PRELID2: variants seen among roughly 807,000 people sequenced by gnomAD.
The protein encoded by PRELID2 is PRELI domain-containing protein 2.
Under a neutral mutation model 28.4 loss-of-function variants are expected in PRELID2, and 25 were observed. The ratio of observed to expected loss-of-function variants is 0.88; its 90% CI spans 0.64 to 1.23. The LOEUF (loss-of-function observed/expected upper bound fraction) is 1.23, where lower values mean the gene tolerates loss of function less well. Ranked by LOEUF, PRELID2 falls within the 50% of genes most tolerant of loss-of-function variation. The pLI, the probability that PRELID2 is intolerant of heterozygous loss-of-function variation, is 0.00. For missense variants in PRELID2, 201 were observed against 214.4 expected, an observed-to-expected ratio of 0.94 and a Z score of 0.39; for synonymous variants, 76 against 71.6, an observed-to-expected ratio of 1.06 and a Z score of -0.31.
At chr5:145,356,871 G>A in the PRELID2 span, among the ~76,000 whole-genome samples, 2 of 152,128 alleles carry the variant, frequency 1.3e-5, no homozygotes, top group East Asian at 1.9e-4. Flanking sequence ...TGTGGTGGCT[G>A]GTAATGGTCT....
intron 1 of PRELID2, among the ~76,000 whole-genome samples, chr5:145,655,419 C>CA (rs1561533819): frequency 6.6e-6 from 1 of 152,084 alleles, no homozygotes; most frequent in South Asian, 2.1e-4. Flanking sequence ...CATGTGGAAC[C>CA]AAAAAAGAGC....
chr5:145,701,581 G>A (rs1755408061), intron 1 of PRELID2, among the ~76,000 whole-genome samples: 1 of 152,138 alleles, frequency 6.6e-6, no homozygotes, highest in Admixed American at 6.5e-5. Context: ...GTAATTCCCT[G>A]TGTCAAACCA....
At chr5:145,311,648 A>G in the PRELID2 span, among the ~76,000 whole-genome samples, 1 of 152,150 alleles carries the variant, frequency 6.6e-6, no homozygotes, top group Admixed American at 6.5e-5. Flanking sequence ...AATAACACCA[A>G]TTCCATGCAA....
At chr5:145,730,558 G>C (rs1473342402) in intron 1 of PRELID2, among the ~76,000 whole-genome samples, 1 of 152,184 alleles carries the variant, frequency 6.6e-6, no homozygotes, top group African/African-American at 2.4e-5. Context: ...ACAAAAGCAA[G>C]TTTGTTACCT....
rs200419262 is a variant in PRELID2 at position 145,697,986 on chromosome 5, C to CA, written n.70+66944dup. On this transcript the variant is annotated intron_variant and non_coding_transcript_variant, in intron 1 of 2. Coordinates refer to the PRELID2 transcript ENST00000510259. ...GAACTGTGATTGTCCTAATGTCCCTCAAAAAAAATATATATATATATATAC... is the reference window on the plus strand; with the variant it reads ...GAACTGTGATTGTCCTAATGTCCCTCAAAAAAAAATATATATATATATATAC... Among the ~76,000 whole-genome samples, 375 of 149,800 alleles carry CA rather than the reference C, an allele frequency of 2.5e-3. 1 individual carries two copies. Among genetic ancestry groups the CA allele is most frequent in the African/African-American group, 6.4e-3 (261 of 40,580 alleles).
the PRELID2 span, among the ~76,000 whole-genome samples, chr5:145,357,350 C>A: frequency 6.6e-6 from 1 of 152,154 alleles, no homozygotes; most frequent in Non-Finnish European, 1.5e-5. Flanking sequence ...TGCTTGATTT[C>A]TCTCCCTCTT....
chr5:145,704,698 T>C (rs934918277), intron 1 of PRELID2, among the ~76,000 whole-genome samples: 1 of 152,230 alleles, frequency 6.6e-6, no homozygotes, highest in Admixed American at 6.5e-5. Context: ...CGGCTGCAGT[T>C]GACTGGACCA....
intron 1 of PRELID2, among the ~76,000 whole-genome samples, chr5:145,676,240 A>AAAAAAC (rs1554082907): frequency 1.4e-5 from 2 of 147,782 alleles, no homozygotes; most frequent in African/African-American, 5.2e-5. Context: ...AAAAAAAAAA[A>AAAAAAC]AATAATGTGT....
chr5:145,244,945 A>G, the PRELID2 span, among the ~76,000 whole-genome samples: 2 of 152,056 alleles, frequency 1.3e-5, no homozygotes, highest in Non-Finnish European at 2.9e-5. Context: ...TTTAAAATTT[A>G]TATTTCTTCT....
chr5:145,662,232 G>T (rs1754508139), intron 1 of PRELID2, among the ~76,000 whole-genome samples: 1 of 152,018 alleles, frequency 6.6e-6, no homozygotes, highest in Non-Finnish European at 1.5e-5. Context: ...AACAAGTAAA[G>T]AAATCATAGA....
chr5:145,730,530 A>C (rs1756308816), intron 1 of PRELID2, among the ~76,000 whole-genome samples: 1 of 152,226 alleles, frequency 6.6e-6, no homozygotes, highest in African/African-American at 2.4e-5. Flanking sequence ...AATGAGGATG[A>C]GGTTGGTTGG....
At chr5:145,369,462 T>C in the PRELID2 span, among the ~76,000 whole-genome samples, 1 of 152,230 alleles carries the variant, frequency 6.6e-6, no homozygotes, top group South Asian at 2.1e-4. Flanking sequence ...CATTCCTTTT[T>C]ATGGCCGTGA....
intron 1 of PRELID2, among the ~76,000 whole-genome samples, chr5:145,558,534 G>A (rs890451233): frequency 5.9e-5 from 9 of 152,302 alleles, no homozygotes; most frequent in South Asian, 4.1e-4. Context: ...CTCACCTTAC[G>A]TGACACTCAG....
intron 1 of PRELID2, among the ~76,000 whole-genome samples, chr5:145,497,370 A>C (rs369793830): frequency 6.6e-6 from 1 of 152,070 alleles, no homozygotes; most frequent in Non-Finnish European, 1.5e-5. Context: ...CGTTATGGCT[A>C]TATGTCTTTA....
chr5:145,559,339 C>T (rs1056999599), intron 1 of PRELID2, among the ~76,000 whole-genome samples: 3 of 150,986 alleles, frequency 2.0e-5, no homozygotes, highest in Non-Finnish European at 4.4e-5. Flanking sequence ...AGGGTATCTA[C>T]ATTAAGTAAA....
chr5:145,246,134 G>A, the PRELID2 span, among the ~76,000 whole-genome samples: 1 of 151,972 alleles, frequency 6.6e-6, no homozygotes, highest in African/African-American at 2.4e-5. Flanking sequence ...CTGGTAAATG[G>A]GAGGATCAAT....
At chr5:145,546,850 C>T (rs1011365743) in intron 1 of PRELID2, among the ~76,000 whole-genome samples, 4 of 152,072 alleles carry the variant, frequency 2.6e-5, no homozygotes, top group Admixed American at 2.6e-4. Flanking sequence ...AGGAAAGTAA[C>T]ACAGAGGAAA....
intron 1 of PRELID2, among the ~76,000 whole-genome samples, chr5:145,503,286 C>G (rs1752376043): frequency 6.6e-6 from 1 of 152,176 alleles, no homozygotes; most frequent in Non-Finnish European, 1.5e-5. Context: ...GTAAGACTCT[C>G]TTTCCTACCC....
the PRELID2 span, among the ~76,000 whole-genome samples, chr5:145,348,932 T>C: frequency 1.3e-5 from 2 of 152,160 alleles, no homozygotes; most frequent in African/African-American, 4.8e-5. Context: ...ATATGCAATG[T>C]TGATCCACTG....
Sources: allele counts gnomAD v4.1 joint callset (sites outside exome capture counted in the v4.1 genomes callset), GRCh38; gene constraint gnomAD v4.1.1; transcripts MANE v1.5; gene names NCBI Gene and HGNC (gene_info 2026-07-23, HGNC 2026-07-21).